TBXAS1: variants seen among roughly 807,000 people sequenced by gnomAD.
TBXAS1 encodes the protein thromboxane-A synthase.
Under a neutral mutation model 60.7 loss-of-function variants are expected in TBXAS1, and 48 were observed. The ratio of observed to expected loss-of-function variants is 0.79; its 90% CI spans 0.63 to 1.01. The LOEUF is 1.01. TBXAS1 is among the 50% of genes least tolerant of loss of function. The pLI is 0.00. For synonymous variants in TBXAS1, 287 were observed against 269.7 expected, an observed-to-expected ratio of 1.06 and a Z score of -0.63; for missense variants, 685 against 686.3, an observed-to-expected ratio of 1.00 and a Z score of 0.02.
rs201027324 is a variant in TBXAS1 at position 139,809,361 on chromosome 7, T to C, written c.-79-19951T>C. On this transcript the variant is annotated intron_variant, in intron 4 of 16. Coordinates refer to the TBXAS1 transcript ENST00000336425. ...ATAGATAGATAGATAGATAGATAGA[T>C]AGATAGACAGACAGAACCAACAGGA... Among the ~76,000 whole-genome samples the C allele has an allele frequency of 3.9e-4, 57 of 146,676 alleles. No individual in the cohort carries two copies. In the South Asian group the frequency reaches 5.1e-3, roughly 13 times the overall value.
At chr7:139,968,663 G>A (rs368010100) in intron 9 of TBXAS1, among the ~76,000 whole-genome samples, 5 of 152,140 alleles carry the variant, frequency 3.3e-5, no homozygotes, top group Non-Finnish European at 5.9e-5. Flanking sequence ...CTTCCAAATC[G>A]TCTTGTTTGG....
intron 3 of TBXAS1, among the ~76,000 whole-genome samples, chr7:139,910,184 C>T (rs1805407516): frequency 1.3e-5 from 2 of 152,100 alleles, no homozygotes; most frequent in African/African-American, 4.8e-5. Context: ...ATAGTCAGAC[C>T]CTTGGAAACT....
chr7:139,989,768 T>C (rs1812754959), intron 9 of TBXAS1, among the ~76,000 whole-genome samples: 1 of 152,258 alleles, frequency 6.6e-6, no homozygotes, highest in South Asian at 2.1e-4. Context: ...GCTTGGTGGA[T>C]GCCCTGCCTA....
At chr7:139,873,205 G>A (rs1801953447) in intron 2 of TBXAS1, among the ~76,000 whole-genome samples, 1 of 152,210 alleles carries the variant, frequency 6.6e-6, no homozygotes, top group South Asian at 2.1e-4. Context: ...GACAGCACAG[G>A]TTGACCAGCA....
At chr7:139,996,417 C>T (rs1475817752) in intron 9 of TBXAS1, among the ~76,000 whole-genome samples, 1 of 152,106 alleles carries the variant, frequency 6.6e-6, no homozygotes, top group Non-Finnish European at 1.5e-5. Flanking sequence ...TTTCTTACCC[C>T]TATCCCAGAG....
At chr7:139,843,028 C>G (rs1799566776) in intron 1 of TBXAS1, among the ~76,000 whole-genome samples, 1 of 152,218 alleles carries the variant, frequency 6.6e-6, no homozygotes, top group South Asian at 2.1e-4. Context: ...CGCCATACCC[C>G]GAAACCAGCA....
intron 1 of TBXAS1, among the ~76,000 whole-genome samples, chr7:139,856,168 A>G (rs1800569693): frequency 6.6e-6 from 1 of 152,190 alleles, no homozygotes; most frequent in African/African-American, 2.4e-5. Flanking sequence ...CCAGTCTACT[A>G]ATTGGCAGAC....
chr7:139,981,527 C>T (rs1208001855), intron 9 of TBXAS1, among the ~76,000 whole-genome samples: 3 of 152,206 alleles, frequency 2.0e-5, no homozygotes, highest in Admixed American at 1.3e-4. Flanking sequence ...CACAGGACAG[C>T]ACAGAGATTC....
chr7:139,953,917 C>T (rs1314027428), intron 6 of TBXAS1, among the ~76,000 whole-genome samples: 4 of 152,148 alleles, frequency 2.6e-5, no homozygotes, highest in South Asian at 2.1e-4. Flanking sequence ...TAAGTTTGTC[C>T]GACCCACAGC....
rs372908023 is a variant in TBXAS1 at position 140,013,619 on chromosome 7, C to T, written c.1227-2104C>T. 1.6e-4 allele frequency among the ~76,000 whole-genome samples: 25 copies of T among 152,314 alleles called. No homozygotes were observed. The East Asian group carries it at 3.1e-3, about 19-fold the overall frequency. ...GAACGGCTCTCACTGGCAGGCCTCA[C>T]GGAGGAGACCCAAGCTGGGGGACTG... On this transcript the variant is annotated intron_variant, in intron 10 of 12. Transcript: ENST00000448866. The surrounding 1 kb of genome is among the most constrained non-coding windows in gnomAD (Gnocchi z 4.2).
chr7:139,960,066 C>A (rs889857743), intron 8 of TBXAS1, among the ~76,000 whole-genome samples: 1 of 152,218 alleles, frequency 6.6e-6, no homozygotes, highest in Non-Finnish European at 1.5e-5. Flanking sequence ...AAGCCACCAA[C>A]TACCCCCGAC....
chr7:139,792,121 C>CAT (rs1414407718), intron 4 of TBXAS1, among the ~76,000 whole-genome samples: 1 of 152,168 alleles, frequency 6.6e-6, no homozygotes, highest in Non-Finnish European at 1.5e-5. Context: ...CATATCATAT[C>CAT]ATGCACATAA....
chr7:139,820,528 C>T (rs756614615), intron 4 of TBXAS1, among the ~76,000 whole-genome samples: 3 of 152,138 alleles, frequency 2.0e-5, no homozygotes, highest in Non-Finnish European at 4.4e-5. Flanking sequence ...CAATGTTGGG[C>T]TATCATCGGA....
At chr7:139,855,023 A>G (rs1247377793) in intron 1 of TBXAS1, among the ~76,000 whole-genome samples, 1 of 152,130 alleles carries the variant, frequency 6.6e-6, no homozygotes, top group African/African-American at 2.4e-5. Context: ...TCCAAAAATC[A>G]TGTTGAAATT....
At chr7:139,961,240 C>T (rs1018637151) in intron 8 of TBXAS1, among the ~76,000 whole-genome samples, 2 of 152,166 alleles carry the variant, frequency 1.3e-5, no homozygotes, top group Non-Finnish European at 2.9e-5. Context: ...CCAAACTAGT[C>T]CCCTCGCCTT....
At chr7:139,979,740 A>G (rs1295775411) in intron 9 of TBXAS1, among the ~76,000 whole-genome samples, 2 of 146,716 alleles carry the variant, frequency 1.4e-5, no homozygotes, top group Non-Finnish European at 3.0e-5. Flanking sequence ...TAATAATAAT[A>G]ATAATAATAA....
chr7:139,957,595 AC>A, intron 7 of TBXAS1, 38 bp from the exon 8 acceptor site: 2 of 1,612,758 alleles, frequency 1.2e-6, no homozygotes, highest in East Asian at 2.2e-5. Context: ...GTTTATTATC[AC>A]CCCCTTTTCA....
At chr7:140,017,228 C>T (rs1398022859) in intron 11 of TBXAS1, among the ~76,000 whole-genome samples, 1 of 152,204 alleles carries the variant, frequency 6.6e-6, no homozygotes, top group East Asian at 1.9e-4. Flanking sequence ...AGGGAGGGCC[C>T]AGGAGGTGCT....
chr7:139,875,286 A>C (rs1383271097), intron 2 of TBXAS1, among the ~76,000 whole-genome samples: 2 of 152,238 alleles, frequency 1.3e-5, no homozygotes, highest in Non-Finnish European at 2.9e-5. Flanking sequence ...TGCTAAATCA[A>C]ATTTCAGAGG....
Sources: gnomAD v4.1 joint callset for allele counts (sites outside exome capture counted in the v4.1 genomes callset) on GRCh38, gnomAD v4.1.1 for gene constraint, Gnocchi (gnomAD v3.1) non-coding constraint, MANE v1.5 for transcripts, NCBI Gene and HGNC (gene_info 2026-07-23, HGNC 2026-07-21) for gene names.